CACNG7: variants seen among roughly 807,000 people sequenced by gnomAD.
CACNG7 encodes the protein voltage-dependent calcium channel gamma-7 subunit.
Under a neutral mutation model 26.3 loss-of-function variants are expected in CACNG7, and 9 were observed. The observed-to-expected ratio is 0.34, with a 90% CI of 0.21 to 0.60. The LOEUF (loss-of-function observed/expected upper bound fraction) is 0.60, where lower values mean the gene tolerates loss of function less well. Ranked by LOEUF, CACNG7 falls within the 20% of genes least tolerant of loss-of-function variation. The pLI is 0.81. For missense variants in CACNG7, 297 were observed against 380.4 expected (o/e 0.78, Z 1.82); for synonymous variants, 170 against 157.0 (o/e 1.08, Z -0.62).
At chr19:53,941,745 G>A (rs1255803718) in intron 5 of CACNG7, 130 bp downstream of exon 5, 33 of 1,197,400 alleles carry the variant, frequency 2.8e-5, no homozygotes, top group Non-Finnish European at 3.6e-5. Context: ...GGTAGCTGAG[G>A]GTCTAACCCC....
intron 3 of CACNG7, 111 bp from the exon 4 acceptor site, chr19:53,915,254 G>A: frequency 4.0e-6 from 3 of 752,184 alleles, no homozygotes; most frequent in Non-Finnish European, 6.8e-6. Context: ...AGTAAGGAAA[G>A]GGAGGAGCCA....
chr19:53,914,993 G>A (rs1191955982), intron 3 of CACNG7, among the ~76,000 whole-genome samples: 2 of 146,630 alleles, frequency 1.4e-5, no homozygotes, highest in Non-Finnish European at 1.5e-5. Context: ...CTCACAGAGT[G>A]AGACTCTGTC....
chr19:53,933,110 A>G (rs112715228), intron 4 of CACNG7, among the ~76,000 whole-genome samples: 10,354 of 151,510 alleles, frequency 0.068, 1,204 homozygotes, highest in African/African-American at 0.24. Flanking sequence ...CACTGAGCCC[A>G]GCCTTTTCTT....
intron 4 of CACNG7, among the ~76,000 whole-genome samples, chr19:53,938,788 A>T (rs1413231852): frequency 1.3e-5 from 2 of 151,946 alleles, no homozygotes; most frequent in African/African-American, 4.8e-5. Flanking sequence ...CTCTGCAAAA[A>T]ATACAAAAAA....
intron 4 of CACNG7, among the ~76,000 whole-genome samples, chr19:53,930,664 C>G (rs1446107227): frequency 6.6e-6 from 1 of 152,024 alleles, no homozygotes. Flanking sequence ...TGAGCCACCG[C>G]ACTGGGCCAA....
chr19:53,912,822 G>C lies in CACNG7; in HGVS notation c.-10G>C, dbSNP rs774424694. On this transcript the variant is annotated 5_prime_UTR_variant, in exon 2 of 6. Coordinates refer to ENST00000391767, the MANE Select transcript of CACNG7 (RefSeq NM_031896.5). The surrounding 1 kb of genome is among the most constrained non-coding windows in gnomAD (Gnocchi z 4.6). ...CCACAGGCCCCGCAGGGCGCCCCCT[G>C]CCTCTGAGGATGAGTCACTGCAGCA... 1 of 1,610,864 alleles carries C rather than the reference G, an allele frequency of 6.2e-7. No individual in the cohort carries two copies. The highest frequency in any genetic ancestry group is 8.5e-7 in the Non-Finnish European group (1 of 1,179,896).
chr19:53,922,181 G>GT (rs1272972332), intron 4 of CACNG7, among the ~76,000 whole-genome samples: 8 of 112,198 alleles, frequency 7.1e-5, no homozygotes, highest in African/African-American at 1.1e-4. Context: ...GTTGTCCCAG[G>GT]CTGGTCATTG....
chr19:53,927,898 G>A (rs1235295733), intron 4 of CACNG7, among the ~76,000 whole-genome samples: 2 of 151,940 alleles, frequency 1.3e-5, no homozygotes, highest in East Asian at 3.9e-4. Flanking sequence ...CGACGCCAGT[G>A]CACCTGTCCA....
In CACNG7 at chr19:53,912,461, T is replaced by C. The variant is rs1259958251; in HGVS notation, c.-29-342T>C. 6.6e-6 allele frequency among the ~76,000 whole-genome samples: 1 copy of C among 152,138 alleles called. No homozygotes were observed. Among genetic ancestry groups the C allele is most frequent in the African/African-American group, 2.4e-5 (1 of 41,418 alleles). On this transcript the variant is annotated intron_variant, in intron 1 of 5. Coordinates refer to ENST00000391767, the MANE Select transcript of CACNG7 (RefSeq NM_031896.5). This position sits in a 1 kb window ranked among gnomAD's most constrained non-coding sequence, Gnocchi z 4.6. ...AGAATTTCTGCTCGGAGTCACAGTA[T>C]TTGGGACCCAGGTCCAAACACGGTT...
intron 4 of CACNG7, among the ~76,000 whole-genome samples, chr19:53,937,594 C>A (rs1351735857): frequency 1.4e-5 from 2 of 144,172 alleles, no homozygotes; most frequent in Admixed American, 7.1e-5. Context: ...CTCCCCTCCC[C>A]TCCCCTCCCC....
At chr19:53,931,937 A>G (rs1275730835) in intron 4 of CACNG7, among the ~76,000 whole-genome samples, 1 of 150,300 alleles carries the variant, frequency 6.7e-6, no homozygotes, top group East Asian at 2.0e-4. Context: ...AATTTTTTCT[A>G]TTTTTAGTAG....
Position 53,942,456 on chromosome 19 carries a change from A to G in CACNG7, c.*163A>G, listed in dbSNP as rs1213756033. The G allele has an allele frequency of 2.7e-6, 4 of 1,460,402 alleles. No homozygotes were observed. Among genetic ancestry groups the G allele is most frequent in the South Asian group, 1.4e-5 (1 of 69,756 alleles). 90.5% of individuals were successfully genotyped at this position (1,460,402 alleles called of 1,614,324 possible). On this transcript the variant is annotated 3_prime_UTR_variant, in exon 6 of 6. Transcript: ENST00000391767. This position sits in a 1 kb window ranked among gnomAD's most constrained non-coding sequence, Gnocchi z 5.9. ...CTCCTCCCAATGGCTCCGCCCACAGACTCCCTTATTTCAATGGCCGCGCCC... is the reference window on the plus strand; with the variant it reads ...CTCCTCCCAATGGCTCCGCCCACAGGCTCCCTTATTTCAATGGCCGCGCCC...
chr19:53,923,311 A>G (rs2068981698), intron 4 of CACNG7, among the ~76,000 whole-genome samples: 1 of 111,380 alleles, frequency 9.0e-6, no homozygotes, highest in South Asian at 3.6e-4. Flanking sequence ...GAGTTGACTC[A>G]GGCTGGTCAT....
Position 53,943,214 on chromosome 19 carries a change from CT to C in CACNG7, c.*922del, listed in dbSNP as rs2069150323. ...CCGCACCTGTGCCCGCCTCTCCCCCCTCGAGGCCCCGTCGAGGGAGGGAGGG... is the reference window on the plus strand; with the variant it reads ...CCGCACCTGTGCCCGCCTCTCCCCCCCGAGGCCCCGTCGAGGGAGGGAGGG... On this transcript the variant is annotated 3_prime_UTR_variant, in exon 6 of 6. Coordinates refer to ENST00000391767, the MANE Select transcript of CACNG7 (RefSeq NM_031896.5). 1 of 152,208 alleles carries C rather than the reference CT, an allele frequency of 6.6e-6. No homozygotes were observed. Among genetic ancestry groups the C allele is most frequent in the African/African-American group, 2.4e-5 (1 of 41,444 alleles). The allele number at this position is 152,208 out of a possible 1,614,324, so 9.4% of individuals were successfully genotyped here.
chr19:53,935,634 CTTTTTTT>C (rs59884893), intron 4 of CACNG7, among the ~76,000 whole-genome samples: 11 of 42,260 alleles, frequency 2.6e-4, no homozygotes, highest in East Asian at 2.0e-3. Flanking sequence ...CCAATACTGT[CTTTTTTT>C]TTTTTTTTTT....
At chr19:53,929,125 A>G in intron 4 of CACNG7, among the ~76,000 whole-genome samples, 1 of 150,942 alleles carries the variant, frequency 6.6e-6, no homozygotes, top group East Asian at 1.9e-4. Flanking sequence ...AAAAAAACAA[A>G]AAAAAAAAAA....
chr19:53,931,356 G>C (rs1252412223), intron 4 of CACNG7, among the ~76,000 whole-genome samples: 3 of 151,976 alleles, frequency 2.0e-5, no homozygotes, highest in Non-Finnish European at 4.4e-5. Context: ...CTAGAACCAG[G>C]ATTCATTCTA....
chr19:53,922,880 C>G (rs536704134), intron 4 of CACNG7, among the ~76,000 whole-genome samples: 2 of 72,978 alleles, frequency 2.7e-5, no homozygotes, highest in South Asian at 4.9e-4. Flanking sequence ...GGAGTTGACT[C>G]AGGCTGGTCA....
At chr19:53,938,166 G>A (rs2069116946) in intron 4 of CACNG7, among the ~76,000 whole-genome samples, 1 of 151,992 alleles carries the variant, frequency 6.6e-6, no homozygotes, top group East Asian at 1.9e-4. Flanking sequence ...GGGCAACATG[G>A]GGAGACCCTG....
Sources: gnomAD v4.1 joint callset for allele counts (sites outside exome capture counted in the v4.1 genomes callset) on GRCh38, gnomAD v4.1.1 for gene constraint, Gnocchi (gnomAD v3.1) non-coding constraint, MANE v1.5 for transcripts, NCBI Gene and HGNC (gene_info 2026-07-23, HGNC 2026-07-21) for gene names.